The following ZNF75A variants were observed in gnomAD, a reference collection of about 807,000 sequenced individuals.
The protein encoded by ZNF75A is zinc finger protein 75A.
Under a neutral mutation model 46.3 loss-of-function variants are expected in ZNF75A, and 36 were observed. The ratio of observed to expected loss-of-function variants is 0.78; its 90% CI spans 0.60 to 1.03. The LOEUF is 1.03. Among genes scored for constraint, ZNF75A ranks in the 50% least tolerant of loss-of-function variants. The probability of loss-of-function intolerance (pLI) is 0.00; values close to 1 mark genes in which losing one functional copy is unlikely to be tolerated. For synonymous variants in ZNF75A, 234 were observed against 189.9 expected (o/e 1.23, Z -1.91); for missense variants, 595 against 551.3 (o/e 1.08, Z -0.79).
chr16:3,323,256 A>T, downstream of ZNF75A: 1 of 794,628 alleles, frequency 1.3e-6, no homozygotes, highest in South Asian at 1.3e-5. Context: ...CTCCTTGAGG[A>T]AGCCCACTGT....
chr16:3,314,318 C>T (rs1371841979), intron 5 of ZNF75A, among the ~76,000 whole-genome samples: 1 of 152,192 alleles, frequency 6.6e-6, no homozygotes, highest in Non-Finnish European at 1.5e-5. Flanking sequence ...TGTGCCTGCT[C>T]AACAGATTTT....
At chr16:3,314,646 C>G (rs1961064142) in intron 5 of ZNF75A, 1 of 984,260 alleles carries the variant, frequency 1.0e-6, no homozygotes, top group Non-Finnish European at 1.2e-6. Flanking sequence ...AAATCGTATT[C>G]TGTTAATTTC....
At chr16:3,314,696 G>A in intron 5 of ZNF75A, 1 of 985,392 alleles carries the variant, frequency 1.0e-6, no homozygotes, top group African/African-American at 1.7e-5. Flanking sequence ...ACGCAGTTAG[G>A]CTGCTTCTGC....
downstream of ZNF75A, chr16:3,323,216 G>A: frequency 2.7e-6 from 2 of 737,296 alleles, 1 homozygote; most frequent in South Asian, 2.7e-5. Flanking sequence ...GCTGATTGAT[G>A]CATTCACCCC....
chr16:3,314,600 C>A, intron 5 of ZNF75A: 1 of 906,776 alleles, frequency 1.1e-6, no homozygotes, highest in Non-Finnish European at 1.3e-6. Flanking sequence ...TTTTCTTCTG[C>A]CTTCGCCCCC....
At position 3,317,021 on chromosome 16, in the gene ZNF75A, A is replaced by G. The variant is rs1483001191; in HGVS notation, c.933A>G (p.Thr311=). The G allele has an allele frequency of 6.2e-7, 1 of 1,611,352 alleles. No homozygotes were observed. Among genetic ancestry groups the G allele is most frequent in the South Asian group, 1.1e-5 (1 of 90,880 alleles). Residue 311 remains threonine, a splice_region_variant and synonymous_variant, in exon 6 of 7, where the codon ACA becomes ACG. Coordinates refer to ENST00000669516, the MANE Select transcript of ZNF75A (RefSeq NM_001302109.2). Reference sequence around the variant, plus strand: ...AGGATAGTGCCGGAAAATCTCCTACAGGTAAATATACCATGGGAAGTGGAG... The same window carrying G: ...AGGATAGTGCCGGAAAATCTCCTACGGGTAAATATACCATGGGAAGTGGAG... ...EFKDSAGKSP[T]GLKLKNDTEN...
Position 3,316,228 on chromosome 16 carries a change from A to G in ZNF75A, c.824-684A>G, listed in dbSNP as rs1044396503. 4 of 152,290 alleles carry G rather than the reference A, an allele frequency of 2.6e-5. 1 individual carries two copies. Among genetic ancestry groups the G allele is most frequent in the Admixed American group, 6.5e-5 (1 of 15,296 alleles). 9.4% of individuals were successfully genotyped at this position (152,290 alleles called of 1,614,324 possible). On this transcript the variant is annotated intron_variant, in intron 5 of 6. Transcript: ENST00000669516. ...GTCCGTGAAATCAGGGGTCTTCTTC[A>G]CTACTATATCCCTAGCCCTCGAGCA... is the stretch of plus-strand genomic sequence containing the variant.
At chr16:3,323,267 A>G (rs2030010876), downstream of ZNF75A, 1 of 829,408 alleles carries the variant, frequency 1.2e-6, no homozygotes, top group Non-Finnish European at 2.1e-6. Context: ...AGCCCACTGT[A>G]TTTTTGGTAG....
intron 5 of ZNF75A, chr16:3,314,684 A>G (rs1961066919): frequency 4.1e-6 from 4 of 985,258 alleles, no homozygotes; most frequent in South Asian, 4.7e-5. Flanking sequence ...CATGCAGTTC[A>G]TACGCAGTTA....
chr16:3,314,190 C>G (rs1220007224), intron 5 of ZNF75A, among the ~76,000 whole-genome samples: 1 of 152,148 alleles, frequency 6.6e-6, no homozygotes, highest in African/African-American at 2.4e-5. Flanking sequence ...ACCATACACA[C>G]TCTTAAAAAG....
At chr16:3,309,911 A>AGT (rs1309085010) in intron 2 of ZNF75A, among the ~76,000 whole-genome samples, 1 of 151,354 alleles carries the variant, frequency 6.6e-6, no homozygotes, top group African/African-American at 2.4e-5. Flanking sequence ...TGGGGAACAT[A>AGT]GTGTGACCTT....
At position 3,309,766 on chromosome 16, in the gene ZNF75A, A is replaced by G. The variant is rs990549464; in HGVS notation, c.408+930A>G. ...GAGAACCTGTCAAAAAAAAAAAAAA[A>G]AGGCAGATCCACAAGGAGAACACAG... On this transcript the variant is annotated intron_variant, in intron 2 of 6. Coordinates refer to ENST00000669516, the MANE Select transcript of ZNF75A (RefSeq NM_001302109.2). Among the ~76,000 whole-genome samples the G allele has an allele frequency of 3.2e-4, 48 of 151,828 alleles. 1 individual carries two copies. Among genetic ancestry groups the G allele is most frequent in the African/African-American group, 1.1e-3 (47 of 41,414 alleles).
At chr16:3,312,848 T>C in intron 4 of ZNF75A, 80 bp downstream of exon 4, 1 of 1,194,010 alleles carries the variant, frequency 8.4e-7, no homozygotes, top group Non-Finnish European at 1.1e-6. Flanking sequence ...GGTTCAGAGG[T>C]GTGTTAGTCC....
downstream of ZNF75A, among the ~76,000 whole-genome samples, chr16:3,320,048 C>CT (rs1232924647): frequency 0.017 from 2,568 of 146,850 alleles, 72 homozygotes; most frequent in African/African-American, 0.056. Flanking sequence ...CCTGCCCTAT[C>CT]TTTTTTTTTT....
chr16:3,311,992 A>G (rs1596394434), intron 3 of ZNF75A, 44 bp downstream of exon 3: 5 of 963,672 alleles, frequency 5.2e-6, no homozygotes, highest in Middle Eastern at 5.4e-4. Flanking sequence ...GAGCTGTGAT[A>G]ATAGTTTATT....
At chr16:3,321,731 A>G (rs995603483), downstream of ZNF75A, among the ~76,000 whole-genome samples, 1 of 152,168 alleles carries the variant, frequency 6.6e-6, no homozygotes, top group Non-Finnish European at 1.5e-5. Context: ...GGCCTCCCAA[A>G]GTACTGAGAT....
downstream of ZNF75A, among the ~76,000 whole-genome samples, chr16:3,320,287 A>T (rs766018516): frequency 5.9e-5 from 9 of 151,806 alleles, no homozygotes; most frequent in Non-Finnish European, 1.2e-4. Context: ...CTCGTGATCC[A>T]CCCGCCTCGG....
At chr16:3,318,904 T>TCA (rs1296366169), downstream of ZNF75A, 1 of 899,754 alleles carries the variant, frequency 1.1e-6, no homozygotes, top group African/African-American at 1.8e-5. Flanking sequence ...TTCTGTCCTG[T>TCA]CCTGTAAGCT....
downstream of ZNF75A, chr16:3,322,874 A>G (rs773864219): frequency 8.1e-6 from 8 of 984,740 alleles, no homozygotes; most frequent in Non-Finnish European, 9.6e-6. Context: ...GAAGCCTTGT[A>G]CAAATGCTAG....
Sources: allele counts gnomAD v4.1 joint callset (sites outside exome capture counted in the v4.1 genomes callset), GRCh38; gene constraint gnomAD v4.1.1; transcripts MANE v1.5; gene names NCBI Gene and HGNC (gene_info 2026-07-23, HGNC 2026-07-21).